Variants in ULK4 observed in about 807,000 individuals in gnomAD.
ULK4 encodes the protein inactive serine/threonine-protein kinase ULK4.
ULK4 carries 133 observed loss-of-function variants against 160.6 expected under a neutral mutation model. The ratio of observed to expected loss-of-function variants is 0.83; its 90% CI spans 0.72 to 0.96. The LOEUF (loss-of-function observed/expected upper bound fraction) is 0.96, where lower values mean the gene tolerates loss of function less well. Ranked by LOEUF, ULK4 falls within the 40% of genes least tolerant of loss-of-function variation. ULK4 has a pLI of 0.00. For missense variants in ULK4, 1,580 were observed against 1,499.5 expected (o/e 1.05, Z -0.89); for synonymous variants, 534 against 539.8 (o/e 0.99, Z 0.15).
At chr3:41,589,240 G>A (rs1442105549) in intron 31 of ULK4, among the ~76,000 whole-genome samples, 2 of 151,982 alleles carry the variant, frequency 1.3e-5, no homozygotes, top group Non-Finnish European at 2.9e-5. Context: ...GACACAGTGA[G>A]CGGGAACCTA....
chr3:41,848,193 C>T (rs933497351), intron 17 of ULK4, among the ~76,000 whole-genome samples: 1 of 152,148 alleles, frequency 6.6e-6, no homozygotes, highest in Admixed American at 6.5e-5. Flanking sequence ...AAACAAACAA[C>T]CTGTAACTGG....
At position 41,541,249 on chromosome 3, in the gene ULK4, C is replaced by T. The variant is rs373718198; in HGVS notation, c.3226+24776G>A. Among the ~76,000 whole-genome samples the T allele has an allele frequency of 1.1e-4, 16 of 152,084 alleles. No homozygotes were observed. The East Asian group carries it at 2.9e-3, about 28-fold the overall frequency. On this transcript the variant is annotated intron_variant, in intron 32 of 36. Transcript: ENST00000301831. ...CCAGTTTCAGTTTTCTGCATATGGC[C>T]AGCCAGTTTTCCCAACACCATTTAT...
chr3:41,594,116 G>T (rs542643759), intron 31 of ULK4, among the ~76,000 whole-genome samples: 26 of 152,222 alleles, frequency 1.7e-4, no homozygotes, highest in African/African-American at 5.8e-4. Context: ...ATTTTTAAAG[G>T]CAGTAAATTT....
chr3:41,414,224 A>G (rs2082476396), intron 34 of ULK4, among the ~76,000 whole-genome samples: 6 of 152,180 alleles, frequency 3.9e-5, no homozygotes, highest in Admixed American at 3.9e-4. Context: ...ACAAACAAAC[A>G]AACAAAAAAC....
chr3:41,683,760 T>C (rs1046023211), intron 27 of ULK4, among the ~76,000 whole-genome samples: 35 of 151,958 alleles, frequency 2.3e-4, no homozygotes, highest in Admixed American at 8.5e-4. Flanking sequence ...CCACGCAGCA[T>C]AGGCAAAAAC....
In ULK4 at chr3:41,754,024, TG is replaced by T. The variant is rs150428787; in HGVS notation, c.2321+336del. ...CTCACTCATTATCACAAGAACAGAA[TG>T]GGGGAAACCACTCCCATGATCCAAT... On this transcript the variant is annotated intron_variant, in intron 22 of 36. Coordinates refer to ENST00000301831, the MANE Select transcript of ULK4 (RefSeq NM_017886.4). 8.1e-3 allele frequency among the ~76,000 whole-genome samples: 1,225 copies of T among 152,132 alleles called. 14 individuals are homozygous for T. Among genetic ancestry groups the T allele is most frequent in the African/African-American group, 0.029 (1,185 of 41,500 alleles).
chr3:41,944,544 T>C (rs1700056938), intron 2 of ULK4, among the ~76,000 whole-genome samples: 2 of 152,128 alleles, frequency 1.3e-5, no homozygotes, highest in South Asian at 2.1e-4. Context: ...CTCTGCTCCT[T>C]GATACAGCAA....
chr3:41,456,852 C>T (rs545972112), intron 33 of ULK4, among the ~76,000 whole-genome samples: 12 of 152,232 alleles, frequency 7.9e-5, no homozygotes, highest in Non-Finnish European at 1.5e-4. Flanking sequence ...TCCTTCTGCA[C>T]TTCTGGCCTA....
At chr3:41,715,591 T>A in intron 23 of ULK4, 23 bp from the exon 24 acceptor site, 1 of 1,613,806 alleles carries the variant, frequency 6.2e-7, no homozygotes, top group Non-Finnish European at 8.5e-7. Context: ...GCCCAGAGCA[T>A]ATGTGGAGGT....
chr3:41,362,115 C>T (rs2081158181), intron 35 of ULK4, among the ~76,000 whole-genome samples: 2 of 152,178 alleles, frequency 1.3e-5, no homozygotes, highest in Non-Finnish European at 1.5e-5. Flanking sequence ...TTGTGTCAGA[C>T]AGCACAGGGT....
chr3:41,645,249 T>C (rs1003154054), intron 30 of ULK4, among the ~76,000 whole-genome samples: 1 of 151,870 alleles, frequency 6.6e-6, no homozygotes, highest in African/African-American at 2.4e-5. Flanking sequence ...TGAATGTGTT[T>C]GCTCTTGCTT....
At chr3:41,528,014 T>C (rs1219671711) in intron 32 of ULK4, among the ~76,000 whole-genome samples, 4 of 152,196 alleles carry the variant, frequency 2.6e-5, no homozygotes, top group African/African-American at 9.6e-5. Flanking sequence ...TAACCACATA[T>C]AGGACAATTA....
chr3:41,367,831 T>C (rs761981256), intron 35 of ULK4, among the ~76,000 whole-genome samples: 8 of 152,190 alleles, frequency 5.3e-5, no homozygotes, highest in Admixed American at 1.3e-4. Flanking sequence ...TTTACAATCC[T>C]AATTCATTTA....
Position 41,591,860 on chromosome 3 carries a change from C to T in ULK4, c.3120+23809G>A, listed in dbSNP as rs115666876. On this transcript the variant is annotated intron_variant, in intron 31 of 36. Coordinates refer to ENST00000301831, the MANE Select transcript of ULK4 (RefSeq NM_017886.4). ...GTCATACCAGCTGAACTGTACAAAG[C>T]CATCTCACTAATAATAGATAAAAAA... Among the ~76,000 whole-genome samples, 398 of 152,284 alleles carry T rather than the reference C, an allele frequency of 2.6e-3. 1 individual carries two copies. The highest frequency in any genetic ancestry group is 8.7e-3 in the African/African-American group (361 of 41,564).
At position 41,938,011 on chromosome 3, in the gene ULK4, A is replaced by T. The variant is rs1190618478; in HGVS notation, c.238+87T>A. 5 of 971,148 alleles carry T rather than the reference A, an allele frequency of 5.1e-6. No homozygotes were observed. In the African/African-American group the frequency reaches 6.5e-5, roughly 13 times the overall value. The allele number at this position is 971,148 out of a possible 1,614,324, so 60.2% of individuals were successfully genotyped here. On this transcript the variant is annotated intron_variant, in intron 3 of 36. Transcript: ENST00000301831. ...GAGCAATAGATTTTCAAGTTAACAT[A>T]GTAAATAACATCAAAAGTAACAAAA...
At chr3:41,877,614 C>T (rs560891600) in intron 17 of ULK4, among the ~76,000 whole-genome samples, 18 of 151,992 alleles carry the variant, frequency 1.2e-4, no homozygotes, top group African/African-American at 3.9e-4. Context: ...GCATGAGCCA[C>T]CGCCCCAGCC....
At chr3:41,762,774 T>C (rs888043867) in intron 21 of ULK4, among the ~76,000 whole-genome samples, 3 of 150,104 alleles carry the variant, frequency 2.0e-5, no homozygotes, top group South Asian at 2.1e-4. Context: ...GCCATTCTCC[T>C]GCCTCAGCCT....
At chr3:41,305,948 C>T (rs1343157234) in intron 35 of ULK4, among the ~76,000 whole-genome samples, 1 of 149,070 alleles carries the variant, frequency 6.7e-6, no homozygotes, top group South Asian at 2.1e-4. Flanking sequence ...TCTGCCCGGC[C>T]GCCCCGTCTG....
At chr3:41,669,323 G>A (rs1247997146) in intron 29 of ULK4, among the ~76,000 whole-genome samples, 1 of 152,076 alleles carries the variant, frequency 6.6e-6, no homozygotes, top group Admixed American at 6.6e-5. Flanking sequence ...GTAGCTCACT[G>A]CAGCCTCAAC....
Sources: gnomAD v4.1 joint callset for allele counts (sites outside exome capture counted in the v4.1 genomes callset) on GRCh38, gnomAD v4.1.1 for gene constraint, MANE v1.5 for transcripts, NCBI Gene and HGNC (gene_info 2026-07-23, HGNC 2026-07-21) for gene names.